SEZ6: variants seen among roughly 807,000 people sequenced by gnomAD.
SEZ6 encodes the protein seizure protein 6 homolog.
SEZ6 carries 53 observed loss-of-function variants against 101.0 expected under a neutral mutation model. The ratio of observed to expected loss-of-function variants is 0.52; its 90% CI spans 0.42 to 0.66. The LOEUF (loss-of-function observed/expected upper bound fraction) is 0.66, where lower values mean the gene tolerates loss of function less well. Ranked by LOEUF, SEZ6 falls within the 30% of genes least tolerant of loss-of-function variation. The pLI is 0.00. For synonymous variants in SEZ6, 488 were observed against 512.2 expected (o/e 0.95, Z 0.64); for missense variants, 1,102 against 1,289.4 (o/e 0.85, Z 2.23).
chr17:28,958,145 G>C lies in SEZ6; in HGVS notation c.2108-4C>G. ...CATGTGTCATTGCGGGGCACCTCTGGGGGCACAGAGGCACAAGATGCAGGC... is the reference window on the plus strand; with the variant it reads ...CATGTGTCATTGCGGGGCACCTCTGCGGGCACAGAGGCACAAGATGCAGGC... On this transcript the variant is annotated splice_polypyrimidine_tract_variant and splice_region_variant and intron_variant, in intron 10 of 16. Coordinates refer to ENST00000317338, the MANE Select transcript of SEZ6 (RefSeq NM_178860.5). 6.3e-7 allele frequency: 1 copy of C among 1,584,352 alleles called. No individual in the cohort carries two copies. Among genetic ancestry groups the C allele is most frequent in the South Asian group, 1.1e-5 (1 of 89,364 alleles).
chr17:28,977,715 G>T (rs887900554), intron 3 of SEZ6, among the ~76,000 whole-genome samples: 5 of 152,036 alleles, frequency 3.3e-5, no homozygotes, highest in Non-Finnish European at 2.9e-5. Flanking sequence ...GCTTGGGGGG[G>T]GCAGACAGAG....
chr17:28,960,657 T>G lies in SEZ6; in HGVS notation c.1424A>C (p.Asn475Thr), dbSNP rs1337674911. 5.6e-6 allele frequency: 9 copies of G among 1,605,370 alleles called. No individual in the cohort carries two copies. Among genetic ancestry groups the G allele is most frequent in the Non-Finnish European group, 6.8e-6 (8 of 1,176,016 alleles). ...AEDDDRLIIR[N>T]GDNVEAPPVY... ...TGGTGGGGCCTCCACGTTGTCCCCATTGCGAATGATGAGCCTGAACCAGGA... is the reference window on the plus strand; with the variant it reads ...TGGTGGGGCCTCCACGTTGTCCCCAGTGCGAATGATGAGCCTGAACCAGGA... Residue 475 changes from asparagine (N) to threonine (T), a missense_variant, in exon 7 of 17, where the codon AAT becomes ACT. Asn to Thr is a moderately conservative substitution (Grantham distance 65). Coordinates refer to ENST00000317338, the MANE Select transcript of SEZ6 (RefSeq NM_178860.5).
chr17:28,996,241 C>A (rs1304175636), intron 1 of SEZ6, among the ~76,000 whole-genome samples: 1 of 152,016 alleles, frequency 6.6e-6, no homozygotes, highest in Non-Finnish European at 1.5e-5. Context: ...GGGCTCTGCC[C>A]TTAGGGACTT....
Position 28,981,532 on chromosome 17 carries a change from G to T in SEZ6, c.563C>A (p.Pro188His), listed in dbSNP as rs781338541. ...AACCCACGGCCTTCCCATGTCTCCA[G>T]GACCCTCTTGGGTTGGTGTCCAGGC... is the stretch of plus-strand genomic sequence containing the variant. ...SRAWTPTQEG[P>H]GDMGRPWVAE... Residue 188 changes from proline to histidine, a missense_variant, in exon 2 of 17, where the codon CCT (proline) becomes CAT (histidine). This residue lies in a region of SEZ6 where 406 missense variants were observed against 418.6 expected (regional missense o/e 0.97). Transcript: ENST00000317338. The T allele has an allele frequency of 1.9e-6, 3 of 1,612,148 alleles. No homozygotes were observed. The highest frequency in any genetic ancestry group is 2.5e-6 in the Non-Finnish European group (3 of 1,179,196).
At position 28,957,526 on chromosome 17, in the gene SEZ6, G is replaced by T. The variant is rs370808801; in HGVS notation, c.2316C>A (p.His772Gln). ...GGCTGTGCTCCACATCTCCAGGATC[G>T]TGGCAGGAAGTCACTATGGGTAGGG... ...LPSCQRVTSC[H>Q]DPGDVEHSRR... The change falls in exon 12 of 17, where the codon CAC becomes CAA. Residue 772 changes from histidine (H) to glutamine (Q), a missense_variant. Physicochemically the swap from His to Gln is conservative, Grantham distance 24. Around this residue, in one of 3 missense-constraint regions of SEZ6, gnomAD observed 556 missense variants for 735.1 expected, o/e 0.76. Coordinates refer to ENST00000317338, the MANE Select transcript of SEZ6 (RefSeq NM_178860.5). 6.2e-7 allele frequency: 1 copy of T among 1,612,724 alleles called. No homozygotes were observed. Among genetic ancestry groups the T allele is most frequent in the Admixed American group, 1.7e-5 (1 of 59,812 alleles).
At position 28,957,752 on chromosome 17, in the gene SEZ6, G is replaced by A. The variant is rs921283776; in HGVS notation, c.2302+195C>T. The A allele has an allele frequency of 8.3e-6, 7 of 846,726 alleles. No individual in the cohort carries two copies. The African/African-American group carries it at 1.0e-4, about 12-fold the overall frequency. 52.5% of individuals were successfully genotyped at this position (846,726 alleles called of 1,614,324 possible). On this transcript the variant is annotated intron_variant, in intron 11 of 16. Coordinates refer to ENST00000317338, the MANE Select transcript of SEZ6 (RefSeq NM_178860.5). The stretch of plus-strand genomic sequence containing the variant: ...AACTGATTGGCCATCTACCAGGAAT[G>A]AAATACTTAGAGTACGTGGCTGATA...
chr17:28,984,425 C>G (rs1036070756), intron 1 of SEZ6, among the ~76,000 whole-genome samples: 2 of 152,218 alleles, frequency 1.3e-5, no homozygotes, highest in African/African-American at 4.8e-5. Context: ...AGATGTGGCC[C>G]TTGGCTCTCA....
At chr17:28,961,397 A>G (rs2040975624) in intron 5 of SEZ6, among the ~76,000 whole-genome samples, 1 of 152,052 alleles carries the variant, frequency 6.6e-6, no homozygotes, top group Non-Finnish European at 1.5e-5. Flanking sequence ...CCACTTTCCT[A>G]AAATCAGTTG....
intron 11 of SEZ6, 143 bp from the exon 12 acceptor site, chr17:28,957,682 T>A (rs1210250874): frequency 1.0e-6 from 1 of 974,246 alleles, no homozygotes; most frequent in African/African-American, 1.6e-5. Context: ...ATTATGCTAG[T>A]GTGTCCCCCC....
At chr17:28,994,805 G>A (rs905135565) in intron 1 of SEZ6, among the ~76,000 whole-genome samples, 8 of 152,104 alleles carry the variant, frequency 5.3e-5, no homozygotes, top group East Asian at 1.9e-4. Context: ...TGGAGCCTCC[G>A]GATGGGCAGG....
At chr17:29,001,343 G>T (rs1458710480) in intron 1 of SEZ6, among the ~76,000 whole-genome samples, 7 of 152,160 alleles carry the variant, frequency 4.6e-5, no homozygotes, top group Non-Finnish European at 1.5e-5. Context: ...GTTTAGTTTT[G>T]CTGCTGGAGC....
At chr17:29,003,544 T>G (rs2041643945) in intron 1 of SEZ6, among the ~76,000 whole-genome samples, 1 of 152,208 alleles carries the variant, frequency 6.6e-6, no homozygotes, top group African/African-American at 2.4e-5. Flanking sequence ...GATGCACCCC[T>G]CGGGCCGAAA....
intron 1 of SEZ6, among the ~76,000 whole-genome samples, chr17:29,004,758 C>T (rs35002084): frequency 6.6e-6 from 1 of 152,316 alleles, no homozygotes. Context: ...CCCTACCAGC[C>T]TACTGCAGCG....
chr17:28,956,596 T>A, intron 14 of SEZ6, 123 bp downstream of exon 14: 1 of 1,496,686 alleles, frequency 6.7e-7, no homozygotes. Flanking sequence ...AGGAGCTTTT[T>A]AACCTGCTAG....
chr17:28,969,513 C>A (rs557275707), intron 4 of SEZ6, among the ~76,000 whole-genome samples: 1 of 152,328 alleles, frequency 6.6e-6, no homozygotes, highest in African/African-American at 2.4e-5. Context: ...CACCTAGAGG[C>A]TACCTGATCC....
At position 28,956,704 on chromosome 17, in the gene SEZ6, A is replaced by C. The variant is rs1189579157; in HGVS notation, c.2731+15T>G. On this transcript the variant is annotated intron_variant, in intron 14 of 16. Coordinates refer to ENST00000317338, the MANE Select transcript of SEZ6 (RefSeq NM_178860.5). ...CAGGGAGACCACTTCTCTGGCCTCA[A>C]GGGTGGAGACTTACCATCCAGGCTG... 6.4e-7 allele frequency: 1 copy of C among 1,558,480 alleles called. No homozygotes were observed. The highest frequency in any genetic ancestry group is 1.9e-5 in the Admixed American group (1 of 51,630).
At chr17:28,978,835 G>T (rs897176376) in intron 3 of SEZ6, among the ~76,000 whole-genome samples, 6 of 152,050 alleles carry the variant, frequency 3.9e-5, no homozygotes, top group African/African-American at 1.5e-4. Flanking sequence ...AGGGATGGTG[G>T]GGTCTAAACC....
chr17:28,983,141 T>C (rs2041333929), intron 1 of SEZ6, among the ~76,000 whole-genome samples: 1 of 152,262 alleles, frequency 6.6e-6, no homozygotes, highest in Non-Finnish European at 1.5e-5. Context: ...GATCCACTAC[T>C]CTAGGGCTGT....
intron 1 of SEZ6, among the ~76,000 whole-genome samples, chr17:28,990,222 A>C (rs1024082223): frequency 6.6e-6 from 1 of 152,208 alleles, no homozygotes; most frequent in Non-Finnish European, 1.5e-5. Flanking sequence ...CCTGTAAATA[A>C]CATCACTATA....
Sources: gnomAD v4.1 joint callset for allele counts (sites outside exome capture counted in the v4.1 genomes callset) on GRCh38, gnomAD v4.1.1 for gene constraint, gnomAD v4.1.1 regional missense constraint, MANE v1.5 for transcripts, NCBI Gene and HGNC (gene_info 2026-07-23, HGNC 2026-07-21) for gene names.